Variants in NBPF26 observed in about 807,000 individuals in gnomAD.
NBPF26 encodes the protein NBPF family member NBPF26.
Under a neutral mutation model 119.6 loss-of-function variants are expected in NBPF26, and 79 were observed. That is an observed-to-expected ratio of 0.66 (90% CI 0.55 to 0.80). The LOEUF (loss-of-function observed/expected upper bound fraction) is 0.80. Among genes scored for constraint, NBPF26 ranks in the 30% least tolerant of loss-of-function variants. NBPF26 has a pLI of 0.00. For missense variants in NBPF26, 800 were observed against 1,198.2 expected (o/e 0.67, Z 4.91); for synonymous variants, 299 against 457.7 (o/e 0.65, Z 4.43).
rs1650881298 is a variant in NBPF26, at chr1:120,733,112, T to TA, written c.73+8862_73+8863insA. Among the ~76,000 whole-genome samples the TA allele has an allele frequency of 6.2e-4, 55 of 88,714 alleles. 9 individuals are homozygous for TA. Among genetic ancestry groups the TA allele is most frequent in the Admixed American group, 5.0e-3 (43 of 8,640 alleles). 58.2% of individuals were successfully genotyped at this position (88,714 alleles called of 152,430 possible). On this transcript the variant is annotated intron_variant, in intron 1 of 29. Transcript: ENST00000620612. ...GATTTAGAAAAGCTGTTGATTTATT[T>TA]TTATATATATATATATATATGTTTA...
rs1423816797 is a variant in NBPF26, at chr1:120,790,256, C to A, written c.416-2905C>A. ...GTCTGGATCGCCTGACCTCATGATC[C>A]ACCCGCCTCGGCCTCCCAAAGTGCT... On this transcript the variant is annotated intron_variant, in intron 3 of 29. Coordinates refer to ENST00000620612, the Ensembl canonical transcript of NBPF26. Among the ~76,000 whole-genome samples the A allele has an allele frequency of 1.5e-4, 16 of 107,822 alleles. 5 individuals carry two copies. Among genetic ancestry groups the A allele is most frequent in the Non-Finnish European group, 2.4e-4 (14 of 57,712 alleles). 70.7% of individuals were successfully genotyped at this position (107,822 alleles called of 152,430 possible).
At chr1:120,789,954 C>G (rs1651464947) in intron 3 of NBPF26, among the ~76,000 whole-genome samples, 1 of 79,582 alleles carries the variant, frequency 1.3e-5, no homozygotes, top group South Asian at 3.4e-4. Context: ...ATTAAAACTT[C>G]TTCCTTGTTG....
At chr1:120,801,673 TA>T (rs1240726198) in intron 4 of NBPF26, among the ~76,000 whole-genome samples, 1 of 105,378 alleles carries the variant, frequency 9.5e-6, no homozygotes, top group Non-Finnish European at 1.8e-5. Context: ...CCATGAAAAA[TA>T]AAAAACTAGC....
chr1:120,784,509 G>T lies in NBPF26; in HGVS notation c.156-465G>T, dbSNP rs1278466248. Among the ~76,000 whole-genome samples the T allele has an allele frequency of 3.4e-5, 4 of 116,600 alleles. 1 individual carries two copies. Among genetic ancestry groups the T allele is most frequent in the African/African-American group, 1.0e-4 (2 of 19,908 alleles). The allele number at this position is 116,600 out of a possible 152,430, so 76.5% of individuals were successfully genotyped here. A position where few individuals can be genotyped will look rare whatever the true frequency, so the allele number is the denominator to read the frequency against. ...CTTTCTCATGAATGTGTTTCCCTAA[G>T]ATACCTGCATGATTACTCTCACCTT... On this transcript the variant is annotated intron_variant, in intron 2 of 29. Transcript: ENST00000620612.
At position 120,819,125 on chromosome 1, in the gene NBPF26, A is replaced by G. The variant is rs1159492178; in HGVS notation, c.2423+951A>G. 1.2e-3 allele frequency among the ~76,000 whole-genome samples: 154 copies of G among 125,148 alleles called. 50 individuals carry two copies. The highest frequency in any genetic ancestry group is 5.6e-3 in the African/African-American group (150 of 26,644). The allele number at this position is 125,148 out of a possible 152,430, so 82.1% of individuals were successfully genotyped here. On this transcript the variant is annotated intron_variant, in intron 15 of 29. Transcript: ENST00000620612. ...TTTTGTGGAGTCTAAATCTCTTTGT[A>G]GGTCTCTCAGGACTTGCTTTATGAA...
chr1:120,840,468 AGT>A lies in NBPF26; in HGVS notation c.4227_4228del (p.Phe1410LeufsTer4), dbSNP rs1315742944. ...ACCTGACTCATTCCAGCACTACAGA[AGT>A]GTGTTTTACTCATTTGAGGAAGAGC... On this transcript the variant is annotated frameshift_variant, in exon 30 of 30. Coordinates refer to ENST00000620612, the Ensembl canonical transcript of NBPF26. LOFTEE classifies it low-confidence loss of function (END_TRUNC). 10 of 1,479,214 alleles carry A rather than the reference AGT, an allele frequency of 6.8e-6. 1 individual carries two copies. In the African/African-American group the frequency reaches 1.9e-4, roughly 28 times the overall value. The allele number at this position is 1,479,214 out of a possible 1,614,324, so 91.6% of individuals were successfully genotyped here.
intron 3 of NBPF26, among the ~76,000 whole-genome samples, chr1:120,788,937 TAATC>T (rs1164824405): frequency 2.7e-5 from 1 of 36,910 alleles, no homozygotes; most frequent in Non-Finnish European, 5.3e-5. Context: ...AAGTCCAACA[TAATC>T]AACCTGCCAC....
At position 120,765,305 on chromosome 1, in the gene NBPF26, CT is replaced by C. The variant is rs1651179194; in HGVS notation, c.155+1599del. Reference sequence around the variant, plus strand: ...TGGCATTTGGTGCCTTAGTTGCTTGCTTTATTCTGTTATGCAACTCTTGTGG... The same window carrying C: ...TGGCATTTGGTGCCTTAGTTGCTTGCTTATTCTGTTATGCAACTCTTGTGG... On this transcript the variant is annotated intron_variant, in intron 2 of 29. Transcript: ENST00000620612. 4.9e-5 allele frequency among the ~76,000 whole-genome samples: 3 copies of C among 61,754 alleles called. No individual in the cohort carries two copies. The Admixed American group carries it at 5.1e-4, about 11-fold the overall frequency. 40.5% of individuals were successfully genotyped at this position (61,754 alleles called of 152,430 possible). A position where few individuals can be genotyped will look rare whatever the true frequency, so the allele number is the denominator to read the frequency against.
At chr1:120,777,966 A>C (rs1459284683) in intron 2 of NBPF26, among the ~76,000 whole-genome samples, 1 of 85,252 alleles carries the variant, frequency 1.2e-5, no homozygotes, top group African/African-American at 9.2e-5. Flanking sequence ...ACTTGATTCT[A>C]TAGGCTCTGG....
chr1:120,840,281 G>T, intron 29 of NBPF26, 69 bp from the exon 36 acceptor site: 1 of 1,442,538 alleles, frequency 6.9e-7, no homozygotes, highest in Middle Eastern at 2.4e-4. Flanking sequence ...TGTTACTTCT[G>T]AAATCTAGTG....
intron 2 of NBPF26, among the ~76,000 whole-genome samples, chr1:120,768,633 G>A (rs1186498066): frequency 9.2e-6 from 1 of 109,172 alleles, no homozygotes; most frequent in East Asian, 2.2e-4. Flanking sequence ...AACTGTAAAT[G>A]TGGGTTTCAT....
intron 10 of NBPF26, among the ~76,000 whole-genome samples, chr1:120,812,981 A>G (rs1233952808): frequency 1.7e-5 from 2 of 119,246 alleles, no homozygotes; most frequent in Non-Finnish European, 3.3e-5. Context: ...AATAAAAAGC[A>G]GAGAGTAGCT....
At position 120,784,929 on chromosome 1, in the gene NBPF26, A is replaced by G; in HGVS notation, c.156-45A>G. On this transcript the variant is annotated intron_variant, in intron 2 of 29. Transcript: ENST00000620612. ...TGTTTTACTGTAATTTTTTGGACTT[A>G]CAAGAAGTCAGGTGTTTTCATGGAC... 3.4e-6 allele frequency: 4 copies of G among 1,172,886 alleles called. 1 individual carries two copies. Among genetic ancestry groups the G allele is most frequent in the Non-Finnish European group, 4.7e-6 (4 of 845,626 alleles). The allele number at this position is 1,172,886 out of a possible 1,614,324, so 72.7% of individuals were successfully genotyped here.
At position 120,794,165 on chromosome 1, in the gene NBPF26, T is replaced by C. The variant is rs1227748932; in HGVS notation, c.751+669T>C. ...AGAGACTATGTGTGGCACAATACTT[T>C]GTTACACTCTTCACTGATACAAGTG... On this transcript the variant is annotated intron_variant, in intron 4 of 29. Coordinates refer to ENST00000620612, the Ensembl canonical transcript of NBPF26. Among the ~76,000 whole-genome samples the C allele has an allele frequency of 1.7e-5, 2 of 115,494 alleles. 1 individual carries two copies. The highest frequency in any genetic ancestry group is 3.3e-5 in the Non-Finnish European group (2 of 60,562). The allele number at this position is 115,494 out of a possible 152,430, so 75.8% of individuals were successfully genotyped here. A position where few individuals can be genotyped will look rare whatever the true frequency, so the allele number is the denominator to read the frequency against.
intron 15 of NBPF26, among the ~76,000 whole-genome samples, chr1:120,818,463 T>A (rs1652058234): frequency 8.2e-6 from 1 of 122,260 alleles, no homozygotes; most frequent in Middle Eastern, 3.8e-3. Flanking sequence ...TTTTGAAGGG[T>A]TTTTTGTGTC....
chr1:120,785,156 G>A lies in NBPF26; in HGVS notation c.338G>A (p.Arg113Gln), dbSNP rs1419557940. 205 of 1,446,296 alleles carry A rather than the reference G, an allele frequency of 1.4e-4. 45 individuals carry two copies. In the East Asian group the frequency reaches 1.8e-3, roughly 13 times the overall value. 89.6% of individuals were successfully genotyped at this position (1,446,296 alleles called of 1,614,324 possible). A position where few individuals can be genotyped will look rare whatever the true frequency, so the allele number is the denominator to read the frequency against. Residue 113 changes from arginine to glutamine, a missense_variant, in exon 3 of 30, where the codon CGA becomes CAA. Coordinates refer to ENST00000620612, the Ensembl canonical transcript of NBPF26. ...ACACCTCATCCATGCTTTGTGTCTC[G>A]ACCTTGCCTGAATGGCGGCACATGC...
At chr1:120,769,647 T>C (rs1651238825) in intron 2 of NBPF26, among the ~76,000 whole-genome samples, 1 of 121,536 alleles carries the variant, frequency 8.2e-6, no homozygotes, top group African/African-American at 4.4e-5. Flanking sequence ...CAGGTTTTAT[T>C]AATTCAAGAG....
chr1:120,790,599 TC>T (rs1651480920), intron 3 of NBPF26, among the ~76,000 whole-genome samples: 1 of 107,254 alleles, frequency 9.3e-6, no homozygotes. Context: ...TTTCTCTTTC[TC>T]TCTCTTTCCC....
At chr1:120,840,584 C>T in exon 30 of NBPF26, 1 of 1,463,942 alleles carries the variant, frequency 6.8e-7, no homozygotes, top group Non-Finnish European at 9.2e-7. Flanking sequence ...GAGTCATATT[C>T]CCACAATAAG....
Sources: allele counts gnomAD v4.1 joint callset (sites outside exome capture counted in the v4.1 genomes callset), GRCh38; gene constraint gnomAD v4.1.1; transcripts MANE v1.5; gene names NCBI Gene and HGNC (gene_info 2026-07-23, HGNC 2026-07-21).